EFL1: variants seen among roughly 807,000 people sequenced by gnomAD.
The protein encoded by EFL1 is elongation factor-like GTPase 1.
Under a neutral mutation model 126.7 loss-of-function variants are expected in EFL1, and 76 were observed. The ratio of observed to expected loss-of-function variants is 0.60; its 90% confidence interval spans 0.50 to 0.73. The LOEUF is 0.73. Ranked by LOEUF, EFL1 falls within the 30% of genes least tolerant of loss-of-function variation. The pLI, the probability that EFL1 is intolerant of heterozygous loss-of-function variation, is 0.00. For missense variants in EFL1, 1,128 were observed against 1,343.2 expected, an observed-to-expected ratio of 0.84 and a Z score of 2.50; for synonymous variants, 410 against 448.4, an observed-to-expected ratio of 0.91 and a Z score of 1.08.
chr15:82,215,877 T>C (rs1396572116), intron 14 of EFL1, among the ~76,000 whole-genome samples: 1 of 152,126 alleles, frequency 6.6e-6, no homozygotes, highest in Non-Finnish European at 1.5e-5. Flanking sequence ...TGTGTTCTGC[T>C]AAAATGACAA....
chr15:82,147,401 G>A (rs1595941151), intron 18 of EFL1, among the ~76,000 whole-genome samples: 1 of 151,974 alleles, frequency 6.6e-6, no homozygotes, highest in African/African-American at 2.4e-5. Context: ...AGGCCGAGGC[G>A]GGCGGATCAC....
intron 18 of EFL1, among the ~76,000 whole-genome samples, chr15:82,140,157 T>G (rs2141214841): frequency 6.6e-6 from 1 of 152,316 alleles, no homozygotes; most frequent in East Asian, 1.9e-4. Context: ...TCCTCTTGTC[T>G]ACTTCCCCAG....
chr15:82,197,846 C>T (rs1327848677), intron 15 of EFL1, among the ~76,000 whole-genome samples: 5 of 152,146 alleles, frequency 3.3e-5, no homozygotes, highest in Non-Finnish European at 7.4e-5. Context: ...ATCTCTAAGC[C>T]TCCAGTAATA....
intron 15 of EFL1, among the ~76,000 whole-genome samples, chr15:82,186,341 A>G (rs1007765928): frequency 6.6e-6 from 1 of 152,240 alleles, no homozygotes; most frequent in African/African-American, 2.4e-5. Flanking sequence ...GGCCATTAAC[A>G]TAACACAAAA....
At chr15:82,147,425 T>C (rs2141223288) in intron 18 of EFL1, among the ~76,000 whole-genome samples, 1 of 151,600 alleles carries the variant, frequency 6.6e-6, no homozygotes, top group South Asian at 2.1e-4. Context: ...AGGCCAGGAG[T>C]TTGAGAGCAG....
At chr15:82,155,466 C>A (rs1392363224) in intron 17 of EFL1, among the ~76,000 whole-genome samples, 1 of 152,108 alleles carries the variant, frequency 6.6e-6, no homozygotes. Flanking sequence ...TGGACCACTG[C>A]ATTCCAGCCT....
In EFL1 at chr15:82,157,774, G is replaced by C; in HGVS notation, c.1969C>G (p.His657Asp). Residue 657 changes from histidine to aspartate, a missense_variant, in exon 17 of 20, where the codon CAC becomes GAC. His to Asp is a moderately conservative substitution (Grantham distance 81, BLOSUM62 -1). Transcript: ENST00000268206. ...ACTTCTCCTGCTGTGACTAAAACGT[G>C]CTCTCCCGTTTCCTGAATTAAAATC... ...VQILIQETGE[H>D]VLVTAGEVHL... 6.2e-7 allele frequency: 1 copy of C among 1,614,076 alleles called. No individual in the cohort carries two copies. Among genetic ancestry groups the C allele is most frequent in the Non-Finnish European group, 8.5e-7 (1 of 1,179,968 alleles).
rs1205982001 is a variant in EFL1 at position 82,252,868 on chromosome 15, T to C, written c.160-93A>G. 1.2e-5 allele frequency: 10 copies of C among 856,886 alleles called. No homozygotes were observed. The African/African-American group carries it at 1.2e-4, about 10-fold the overall frequency. The allele number at this position is 856,886 out of a possible 1,614,324, so 53.1% of individuals were successfully genotyped here. On this transcript the variant is annotated intron_variant, in intron 3 of 19. Coordinates refer to ENST00000268206, the MANE Select transcript of EFL1 (RefSeq NM_024580.6). ...TTTAGATTTTTGTTTTAAATACTTA[T>C]ATTTAATTTGTTATTTTTATTTATT... is the stretch of plus-strand genomic sequence containing the variant.
chr15:82,138,240 C>T (rs2073743092), intron 19 of EFL1, among the ~76,000 whole-genome samples: 1 of 152,010 alleles, frequency 6.6e-6, no homozygotes, highest in South Asian at 2.1e-4. Flanking sequence ...GTAACTGTTC[C>T]CCTCTAATTA....
chr15:82,171,407 A>AC, intron 15 of EFL1, among the ~76,000 whole-genome samples: 1 of 152,316 alleles, frequency 6.6e-6, no homozygotes, highest in Non-Finnish European at 1.5e-5. Flanking sequence ...CCAGAAAAAG[A>AC]CCAACACGTG....
chr15:82,130,342 A>G lies in EFL1; in HGVS notation c.*31T>C, dbSNP rs1189040838. 1.2e-6 allele frequency: 2 copies of G among 1,603,608 alleles called. No homozygotes were observed. Among genetic ancestry groups the G allele is most frequent in the Non-Finnish European group, 1.7e-6 (2 of 1,174,596 alleles). ...CCTTGATGATACTTTTAAATTCACT[A>G]TAAGGAAAAGAATCCACCAGTAGTA... On this transcript the variant is annotated 3_prime_UTR_variant, in exon 20 of 20. Transcript: ENST00000268206.
intron 4 of EFL1, among the ~76,000 whole-genome samples, chr15:82,242,382 T>C (rs868107973): frequency 1.5e-5 from 2 of 135,128 alleles, no homozygotes; most frequent in Non-Finnish European, 3.1e-5. Flanking sequence ...CATTTCCTTT[T>C]TGTGCCATGT....
chr15:82,236,752 A>G (rs1427030647), intron 7 of EFL1, among the ~76,000 whole-genome samples: 2 of 152,260 alleles, frequency 1.3e-5, no homozygotes, highest in Admixed American at 1.3e-4. Flanking sequence ...AATCTTTAGG[A>G]TCTAGAGCTA....
At chr15:82,230,067 T>C (rs1466629206) in intron 8 of EFL1, among the ~76,000 whole-genome samples, 3 of 152,130 alleles carry the variant, frequency 2.0e-5, no homozygotes, top group African/African-American at 7.2e-5. Flanking sequence ...AAAAAAGCTT[T>C]TAATGGCAAG....
intron 19 of EFL1, among the ~76,000 whole-genome samples, chr15:82,136,116 A>G (rs1308403120): frequency 6.6e-6 from 1 of 152,242 alleles, no homozygotes; most frequent in African/African-American, 2.4e-5. Flanking sequence ...TCTAAAAAAA[A>G]AAGCTTTATA....
At chr15:82,212,939 T>G (rs1298793447) in intron 15 of EFL1, among the ~76,000 whole-genome samples, 1 of 152,216 alleles carries the variant, frequency 6.6e-6, no homozygotes, top group Non-Finnish European at 1.5e-5. Flanking sequence ...GCGAGGAATG[T>G]GGGTATGATT....
chr15:82,132,706 T>A (rs1012073239), intron 19 of EFL1, among the ~76,000 whole-genome samples: 4 of 86,004 alleles, frequency 4.7e-5, no homozygotes, highest in East Asian at 3.2e-4. Context: ...GTAGGCAGAG[T>A]GGCAGACAAG....
At chr15:82,133,183 G>A (rs2073678102) in intron 19 of EFL1, among the ~76,000 whole-genome samples, 1 of 152,184 alleles carries the variant, frequency 6.6e-6, no homozygotes, top group Non-Finnish European at 1.5e-5. Flanking sequence ...AAACTCCCAT[G>A]AATATACAGA....
rs762958262 is a variant in EFL1, at chr15:82,238,532, T to C, written c.517-11A>G. 37 of 1,596,042 alleles carry C rather than the reference T, an allele frequency of 2.3e-5. 1 individual carries two copies. In the South Asian group the frequency reaches 2.9e-4, roughly 13 times the overall value. On this transcript the variant is annotated splice_polypyrimidine_tract_variant and intron_variant, in intron 6 of 19. Coordinates refer to ENST00000268206, the MANE Select transcript of EFL1 (RefSeq NM_024580.6). ...TGTGAGCGCATTAATCTAGGAGAGA[T>C]GGTGAAATGGCAGAGCGTCATTCAG... is the stretch of plus-strand genomic sequence containing the variant.
Sources: allele counts gnomAD v4.1 joint callset (sites outside exome capture counted in the v4.1 genomes callset), GRCh38; gene constraint gnomAD v4.1.1; transcripts MANE v1.5; gene names NCBI Gene and HGNC (gene_info 2026-07-23, HGNC 2026-07-21).